The following LRP1B variants were observed in gnomAD, a reference collection of about 807,000 sequenced individuals.
The protein encoded by LRP1B is LDL receptor related protein 1B.
LRP1B carries 217 observed loss-of-function variants against 556.6 expected under a neutral mutation model. The observed-to-expected ratio is 0.39, with a 90% CI of 0.35 to 0.44. The LOEUF (loss-of-function observed/expected upper bound fraction) is 0.44, where lower values mean the gene tolerates loss of function less well. Ranked by LOEUF, LRP1B falls within the 20% of genes least tolerant of loss-of-function variation. The probability of loss-of-function intolerance (pLI) is 1.00; values close to 1 mark genes in which losing one functional copy is unlikely to be tolerated. For synonymous variants in LRP1B, 2,047 were observed against 1,865.8 expected (o/e 1.10, Z -2.50); for missense variants, 5,053 against 5,620.8 (o/e 0.90, Z 3.23).
chr2:140,723,365 A>C (rs749071260), intron 35 of LRP1B, among the ~76,000 whole-genome samples: 26 of 152,296 alleles, frequency 1.7e-4, no homozygotes, highest in Middle Eastern at 3.4e-3. Flanking sequence ...TCTTCTTCTT[A>C]TTATTATTCA....
chr2:141,933,772 A>G (rs1574505290), intron 1 of LRP1B, among the ~76,000 whole-genome samples: 1 of 152,194 alleles, frequency 6.6e-6, no homozygotes, highest in African/African-American at 2.4e-5. Context: ...AATTAGTTCT[A>G]TGATGCAGTT....
At chr2:140,410,444 A>C (rs929837871) in intron 66 of LRP1B, among the ~76,000 whole-genome samples, 2 of 151,978 alleles carry the variant, frequency 1.3e-5, no homozygotes, top group Admixed American at 1.3e-4. Flanking sequence ...CTTCTCTGTT[A>C]GATGTCTTTA....
intron 11 of LRP1B, 42 bp from the exon 12 acceptor site, chr2:141,020,144 C>T (rs766228514): frequency 7.4e-7 from 1 of 1,346,044 alleles, no homozygotes; most frequent in East Asian, 2.5e-5. Flanking sequence ...GCTTTTACAA[C>T]TATAGTAAAA....
intron 18 of LRP1B, among the ~76,000 whole-genome samples, chr2:140,963,211 C>A (rs1696090432): frequency 6.6e-6 from 1 of 150,786 alleles, no homozygotes; most frequent in Admixed American, 6.6e-5. Flanking sequence ...TAATATTAAC[C>A]AATAAAGGAT....
chr2:141,582,812 T>C (rs950870913), intron 2 of LRP1B, among the ~76,000 whole-genome samples: 6 of 146,492 alleles, frequency 4.1e-5, no homozygotes, highest in Non-Finnish European at 7.5e-5. Flanking sequence ...GAAATCTTGA[T>C]AATAACCTAT....
chr2:141,550,289 C>A (rs1559135408), intron 2 of LRP1B, among the ~76,000 whole-genome samples: 1 of 152,152 alleles, frequency 6.6e-6, no homozygotes, highest in Non-Finnish European at 1.5e-5. Context: ...ATTTTATAAA[C>A]CTGTCCTTTT....
intron 52 of LRP1B, among the ~76,000 whole-genome samples, chr2:140,508,901 G>A (rs1231296556): frequency 6.6e-6 from 1 of 152,070 alleles, no homozygotes; most frequent in African/African-American, 2.4e-5. Flanking sequence ...CCTTTATTAT[G>A]TAGCCCTCAG....
chr2:141,788,812 GT>G (rs1331941102), intron 2 of LRP1B, among the ~76,000 whole-genome samples: 1 of 151,684 alleles, frequency 6.6e-6, no homozygotes. Context: ...CCTTGCGACA[GT>G]TTGCTAAGAA....
intron 63 of LRP1B, among the ~76,000 whole-genome samples, chr2:140,448,205 A>G: frequency 6.6e-6 from 1 of 152,258 alleles, no homozygotes; most frequent in South Asian, 2.1e-4. Flanking sequence ...TGTGAAAAAT[A>G]CAATATCTGC....
intron 7 of LRP1B, among the ~76,000 whole-genome samples, chr2:141,095,640 A>G (rs879587474): frequency 1.3e-5 from 2 of 151,876 alleles, no homozygotes; most frequent in Non-Finnish European, 2.9e-5. Context: ...AGTTATTATT[A>G]TTATTTTTTT....
chr2:141,809,538 G>A lies in LRP1B; in HGVS notation c.205+741C>T, dbSNP rs558613059. Reference sequence around the variant, plus strand: ...TGTTCATACCCCTTATGGTAAGTGGGTATTAAAAAAAGTGGGCCATATTTA... The same window carrying A: ...TGTTCATACCCCTTATGGTAAGTGGATATTAAAAAAAGTGGGCCATATTTA... On this transcript the variant is annotated intron_variant, in intron 2 of 90. Coordinates refer to ENST00000389484, the MANE Select transcript of LRP1B (RefSeq NM_018557.3). Among the ~76,000 whole-genome samples, 4 of 151,724 alleles carry A rather than the reference G, an allele frequency of 2.6e-5. No individual in the cohort carries two copies. In the South Asian group the frequency reaches 8.3e-4, roughly 32 times the overall value.
At chr2:141,889,883 ATTTC>A (rs1377282948) in intron 1 of LRP1B, among the ~76,000 whole-genome samples, 6 of 152,012 alleles carry the variant, frequency 3.9e-5, no homozygotes, top group African/African-American at 1.2e-4. Flanking sequence ...TTTGTAGCAG[ATTTC>A]TTTGTTTCAT....
At chr2:140,899,349 G>A (rs958030312) in intron 23 of LRP1B, among the ~76,000 whole-genome samples, 1 of 152,176 alleles carries the variant, frequency 6.6e-6, no homozygotes. Context: ...TCATGGGTAT[G>A]ACAATGAGCA....
At chr2:141,971,864 T>C (rs1361954256) in intron 1 of LRP1B, among the ~76,000 whole-genome samples, 1 of 151,498 alleles carries the variant, frequency 6.6e-6, no homozygotes, top group Non-Finnish European at 1.5e-5. Flanking sequence ...GTGTTGCTCA[T>C]TTTCCAGGCT....
At chr2:140,869,939 T>C (rs1162995634) in intron 25 of LRP1B, among the ~76,000 whole-genome samples, 1 of 152,032 alleles carries the variant, frequency 6.6e-6, no homozygotes, top group African/African-American at 2.4e-5. Context: ...TTAAAGGAAA[T>C]TGCAAGTTCA....
intron 7 of LRP1B, among the ~76,000 whole-genome samples, chr2:141,074,033 A>C (rs942378464): frequency 8.5e-5 from 13 of 152,086 alleles, no homozygotes; most frequent in Admixed American, 3.3e-4. Context: ...GAGAAATAGG[A>C]ATCAAATCTT....
chr2:140,288,047 A>G (rs1683224459), intron 84 of LRP1B, among the ~76,000 whole-genome samples: 2 of 151,702 alleles, frequency 1.3e-5, no homozygotes, highest in East Asian at 3.9e-4. Context: ...TATATTCTTT[A>G]TTTGATGATA....
chr2:140,296,920 A>G (rs1454364161), intron 84 of LRP1B, among the ~76,000 whole-genome samples: 2 of 152,198 alleles, frequency 1.3e-5, no homozygotes, highest in Admixed American at 6.5e-5. Context: ...TGCTTCTGTT[A>G]AAAAAGAGGA....
At chr2:140,236,896 T>C (rs1054635946) in intron 89 of LRP1B, among the ~76,000 whole-genome samples, 4 of 151,042 alleles carry the variant, frequency 2.6e-5, no homozygotes, top group Admixed American at 6.6e-5. Flanking sequence ...GAGCATTATT[T>C]TACATGAATT....
Sources: allele counts gnomAD v4.1 joint callset (sites outside exome capture counted in the v4.1 genomes callset), GRCh38; gene constraint gnomAD v4.1.1; transcripts MANE v1.5; gene names NCBI Gene and HGNC (gene_info 2026-07-23, HGNC 2026-07-21).